Variants in SHANK2 observed in about 807,000 individuals in gnomAD.
SHANK2 encodes SH3 and multiple ankyrin repeat domains 2.
In SHANK2, 43 loss-of-function variants were observed where a neutral mutation model predicts 133.7. The observed-to-expected ratio is 0.32, with a 90% CI of 0.25 to 0.41. The LOEUF (loss-of-function observed/expected upper bound fraction) is 0.41. Ranked by LOEUF, SHANK2 falls within the 10% of genes least tolerant of loss-of-function variation. SHANK2 has a pLI of 1.00. For synonymous variants in SHANK2, 1,017 were observed against 952.8 expected (o/e 1.07, Z -1.24); for missense variants, 1,994 against 2,235.8 (o/e 0.89, Z 2.18).
At chr11:70,495,058 C>A (rs1555156790) in intron 21 of SHANK2, among the ~76,000 whole-genome samples, 1 of 152,256 alleles carries the variant, frequency 6.6e-6, no homozygotes, top group South Asian at 2.1e-4. Context: ...TCTCATCTCA[C>A]TTGGCAGTGG....
At chr11:71,143,206 G>T (rs1327833189) in intron 3 of SHANK2, among the ~76,000 whole-genome samples, 32 of 152,338 alleles carry the variant, frequency 2.1e-4, no homozygotes, top group Middle Eastern at 3.4e-3. Context: ...CTGCACACCA[G>T]CCTGGGTGAC....
At chr11:71,173,220 G>A (rs1953354764) in intron 2 of SHANK2, among the ~76,000 whole-genome samples, 1 of 152,218 alleles carries the variant, frequency 6.6e-6, no homozygotes, top group Non-Finnish European at 1.5e-5. Context: ...AGGAAAATCT[G>A]TCTCACCCCT....
intron 3 of SHANK2, among the ~76,000 whole-genome samples, chr11:71,131,530 C>T (rs1312715972): frequency 9.2e-5 from 14 of 152,096 alleles, no homozygotes; most frequent in African/African-American, 2.9e-4. Flanking sequence ...TATCTCCAGG[C>T]GATTAGTAAG....
chr11:70,716,099 C>T (rs1041266358), intron 14 of SHANK2, among the ~76,000 whole-genome samples: 4 of 152,212 alleles, frequency 2.6e-5, no homozygotes, highest in East Asian at 1.9e-4. Context: ...CACCCGCTGC[C>T]TAACCCCACA....
intron 17 of SHANK2, among the ~76,000 whole-genome samples, chr11:70,641,987 G>A (rs1254369129): frequency 1.3e-5 from 2 of 152,232 alleles, no homozygotes; most frequent in African/African-American, 4.8e-5. Context: ...GGGTGACCAA[G>A]GTTCAGGCTC....
chr11:71,104,739 C>A (rs964531198), intron 6 of SHANK2, among the ~76,000 whole-genome samples: 4 of 152,190 alleles, frequency 2.6e-5, no homozygotes, highest in Non-Finnish European at 4.4e-5. Flanking sequence ...ACTTCCCTGC[C>A]CCTCTAACAG....
At chr11:70,945,488 C>CCTT (rs1950711447) in intron 10 of SHANK2, among the ~76,000 whole-genome samples, 1 of 152,210 alleles carries the variant, frequency 6.6e-6, no homozygotes, top group Non-Finnish European at 1.5e-5. Flanking sequence ...GGCTTCCAGC[C>CCTT]CTTCCTGCTG....
At chr11:71,128,409 T>TC (rs1238186333) in intron 3 of SHANK2, among the ~76,000 whole-genome samples, 1 of 151,904 alleles carries the variant, frequency 6.6e-6, no homozygotes, top group East Asian at 1.9e-4. Flanking sequence ...AACCAGGCTG[T>TC]CTTCTCCCTT....
intron 8 of SHANK2, among the ~76,000 whole-genome samples, chr11:71,091,891 A>G (rs1004594257): frequency 2.0e-5 from 3 of 152,188 alleles, no homozygotes; most frequent in Non-Finnish European, 4.4e-5. Context: ...TGATCAGGTA[A>G]AGACTTTTCA....
intron 11 of SHANK2, among the ~76,000 whole-genome samples, chr11:70,844,602 G>T (rs1172819946): frequency 6.6e-6 from 1 of 152,212 alleles, no homozygotes; most frequent in Non-Finnish European, 1.5e-5. Context: ...AATCTCGTGG[G>T]ATGTTACGTA....
chr11:70,874,697 A>AAT (rs1565376086), intron 11 of SHANK2, among the ~76,000 whole-genome samples: 4 of 151,768 alleles, frequency 2.6e-5, no homozygotes, highest in Non-Finnish European at 5.9e-5. Flanking sequence ...AAAAAAAAAA[A>AAT]ATTCCACCTT....
chr11:70,514,225 C>A (rs782435453), intron 17 of SHANK2, among the ~76,000 whole-genome samples: 1 of 152,104 alleles, frequency 6.6e-6, no homozygotes, highest in Non-Finnish European at 1.5e-5. Context: ...TAGAAGACGG[C>A]GGAACAACAT....
intron 22 of SHANK2, among the ~76,000 whole-genome samples, chr11:70,491,805 G>T (rs1555155871): frequency 1.3e-5 from 2 of 152,230 alleles, no homozygotes; most frequent in Non-Finnish European, 2.9e-5. Flanking sequence ...GACTGCCTAG[G>T]GAAGGTGACC....
intron 11 of SHANK2, among the ~76,000 whole-genome samples, chr11:70,875,815 T>C (rs547716301): frequency 2.5e-3 from 369 of 148,410 alleles, no homozygotes; most frequent in Admixed American, 5.6e-3. Context: ...GTGAATGCAC[T>C]GCTGCACACC....
At chr11:70,621,770 G>C (rs1365148216) in intron 17 of SHANK2, among the ~76,000 whole-genome samples, 1 of 152,168 alleles carries the variant, frequency 6.6e-6, no homozygotes, top group Non-Finnish European at 1.5e-5. Flanking sequence ...GGAGATACAT[G>C]GGGATGATCC....
At chr11:70,874,731 C>A (rs1035895222) in intron 11 of SHANK2, among the ~76,000 whole-genome samples, 1 of 145,354 alleles carries the variant, frequency 6.9e-6, no homozygotes, top group Non-Finnish European at 1.5e-5. Flanking sequence ...ACTGCCGTTT[C>A]AAATTTTAAA....
intron 17 of SHANK2, among the ~76,000 whole-genome samples, chr11:70,560,393 T>A (rs1333552198): frequency 2.0e-5 from 3 of 151,162 alleles, no homozygotes; most frequent in East Asian, 1.9e-4. Context: ...TCTCAATAAA[T>A]GGAGAGGTTT....
At chr11:70,917,149 G>A (rs1325183094) in intron 10 of SHANK2, among the ~76,000 whole-genome samples, 1 of 151,856 alleles carries the variant, frequency 6.6e-6, no homozygotes, top group Non-Finnish European at 1.5e-5. Context: ...AACATCACAG[G>A]AAGTTAAGGA....
At chr11:70,534,148 A>G (rs570103296) in intron 17 of SHANK2, among the ~76,000 whole-genome samples, 142 of 152,322 alleles carry the variant, frequency 9.3e-4, no homozygotes, top group African/African-American at 3.3e-3. Context: ...AAGACTGGGT[A>G]ATTTATAAAG....
Sources: gnomAD v4.1 joint callset for allele counts (sites outside exome capture counted in the v4.1 genomes callset) on GRCh38, gnomAD v4.1.1 for gene constraint, MANE v1.5 for transcripts, NCBI Gene and HGNC (gene_info 2026-07-23, HGNC 2026-07-21) for gene names.